GRM7: variants seen among roughly 807,000 people sequenced by gnomAD.
The protein encoded by GRM7 is glutamate metabotropic receptor 7, also known as metabotropic glutamate receptor 7.
GRM7 carries 35 observed loss-of-function variants against 84.5 expected under a neutral mutation model. The ratio of observed to expected loss-of-function variants is 0.41; its 90% CI spans 0.32 to 0.55. The LOEUF (loss-of-function observed/expected upper bound fraction) is 0.55. Among genes scored for constraint, GRM7 ranks in the 20% least tolerant of loss-of-function variants. GRM7 has a pLI of 0.19. For synonymous variants in GRM7, 487 were observed against 455.1 expected (o/e 1.07, Z -0.89); for missense variants, 1,003 against 1,194.6 (o/e 0.84, Z 2.36).
At chr3:7,658,626 T>C (rs1041724287) in intron 8 of GRM7, among the ~76,000 whole-genome samples, 1 of 152,208 alleles carries the variant, frequency 6.6e-6, no homozygotes, top group Non-Finnish European at 1.5e-5. Flanking sequence ...AAATGCTGTT[T>C]AGGCAATTTA....
intron 8 of GRM7, among the ~76,000 whole-genome samples, chr3:7,663,428 G>T (rs565545178): frequency 1.6e-4 from 24 of 152,144 alleles, no homozygotes; most frequent in Non-Finnish European, 2.8e-4. Context: ...TTCCCAAAGA[G>T]AGCTGTCAGC....
chr3:7,369,281 T>A (rs1426608864), intron 4 of GRM7, among the ~76,000 whole-genome samples: 3 of 152,128 alleles, frequency 2.0e-5, no homozygotes, highest in Non-Finnish European at 4.4e-5. Flanking sequence ...CTTGAACTCA[T>A]GGCCTCAAGC....
chr3:7,219,879 G>T (rs1473730411), intron 2 of GRM7, among the ~76,000 whole-genome samples: 1 of 152,088 alleles, frequency 6.6e-6, no homozygotes, highest in Non-Finnish European at 1.5e-5. Flanking sequence ...AGTATCTTGT[G>T]GTGCTAGAAA....
intron 1 of GRM7, among the ~76,000 whole-genome samples, chr3:6,952,175 G>C (rs563950713): frequency 2.0e-5 from 3 of 152,142 alleles, no homozygotes; most frequent in East Asian, 3.9e-4. Context: ...TCCTTCCAAG[G>C]GTCGTTAGGA....
intron 7 of GRM7, among the ~76,000 whole-genome samples, chr3:7,570,393 G>C (rs545445490): frequency 6.6e-6 from 1 of 152,338 alleles, no homozygotes; most frequent in Non-Finnish European, 1.5e-5. Context: ...GATACAATGG[G>C]GGTACAGGCA....
chr3:7,326,828 C>T (rs968954878), intron 4 of GRM7, among the ~76,000 whole-genome samples: 4 of 147,286 alleles, frequency 2.7e-5, no homozygotes, highest in Admixed American at 2.0e-4. Context: ...AGTGGAACTC[C>T]GTCTCAAAAA....
intron 1 of GRM7, among the ~76,000 whole-genome samples, chr3:6,894,399 A>T (rs975016260): frequency 1.3e-5 from 2 of 152,176 alleles, no homozygotes; most frequent in African/African-American, 4.8e-5. Context: ...CTTCTAGCTA[A>T]TGAAACATGA....
At chr3:7,522,468 A>G (rs1428486310) in intron 7 of GRM7, among the ~76,000 whole-genome samples, 2 of 152,116 alleles carry the variant, frequency 1.3e-5, no homozygotes, top group African/African-American at 2.4e-5. Context: ...ACTGCCTTGT[A>G]GAGCTATGAC....
At chr3:7,178,338 T>A (rs970649966) in intron 2 of GRM7, among the ~76,000 whole-genome samples, 16 of 152,200 alleles carry the variant, frequency 1.1e-4, no homozygotes, top group African/African-American at 3.9e-4. Flanking sequence ...CCTGACTTAT[T>A]TTTCATTATT....
At chr3:7,733,944 C>T (rs927411152) in intron 9 of GRM7, among the ~76,000 whole-genome samples, 5 of 152,182 alleles carry the variant, frequency 3.3e-5, no homozygotes, top group African/African-American at 1.2e-4. Context: ...ACATCCTCTT[C>T]CAAGACAAAA....
chr3:7,124,305 G>A (rs891632108), intron 1 of GRM7, among the ~76,000 whole-genome samples: 2 of 152,140 alleles, frequency 1.3e-5, no homozygotes, highest in African/African-American at 4.8e-5. Flanking sequence ...TAAACATATT[G>A]ATAGAGCGGG....
chr3:7,677,096 C>T (rs1211828847), intron 8 of GRM7, among the ~76,000 whole-genome samples: 3 of 151,678 alleles, frequency 2.0e-5, no homozygotes, highest in Non-Finnish European at 1.5e-5. Context: ...CCCGTCTCTA[C>T]TAAAAATACA....
chr3:7,717,622 C>G (rs1294481931), intron 9 of GRM7, among the ~76,000 whole-genome samples: 1 of 151,410 alleles, frequency 6.6e-6, no homozygotes, highest in Admixed American at 6.6e-5. Context: ...GTCCCATCAA[C>G]TGATATGTCT....
Position 6,862,307 on chromosome 3 carries a change from C to T in GRM7, c.519+400C>T, listed in dbSNP as rs566670933. On this transcript the variant is annotated intron_variant, in intron 1 of 9. Transcript: ENST00000357716. This position sits in a 1 kb window ranked among gnomAD's most constrained non-coding sequence, Gnocchi z 5.2. Reference sequence around the variant, plus strand: ...GAAAGATGAGACGATGCCTGGAAACCGGGCATTTCCCAACTCCCCAGCTTC... The same window carrying T: ...GAAAGATGAGACGATGCCTGGAAACTGGGCATTTCCCAACTCCCCAGCTTC... 3.9e-5 allele frequency among the ~76,000 whole-genome samples: 6 copies of T among 152,150 alleles called. No homozygotes were observed. Among genetic ancestry groups the T allele is most frequent in the African/African-American group, 1.4e-4 (6 of 41,512 alleles).
chr3:7,102,217 T>G (rs988976815), intron 1 of GRM7, among the ~76,000 whole-genome samples: 3 of 151,814 alleles, frequency 2.0e-5, no homozygotes, highest in Non-Finnish European at 4.4e-5. Flanking sequence ...GCCAACCTTC[T>G]CAGCTTTTAT....
At chr3:6,895,598 TG>T (rs1696149118) in intron 1 of GRM7, among the ~76,000 whole-genome samples, 1 of 152,196 alleles carries the variant, frequency 6.6e-6, no homozygotes, top group South Asian at 2.1e-4. Flanking sequence ...GAACCCTTTT[TG>T]TTGGATACCA....
intron 8 of GRM7, among the ~76,000 whole-genome samples, chr3:7,590,861 G>T (rs1358881403): frequency 1.3e-5 from 2 of 152,060 alleles, no homozygotes; most frequent in African/African-American, 4.8e-5. Flanking sequence ...TCACTTACTG[G>T]TTTGTTCACG....
chr3:7,221,901 G>A (rs548326340), intron 2 of GRM7, among the ~76,000 whole-genome samples: 13 of 149,854 alleles, frequency 8.7e-5, no homozygotes, highest in Admixed American at 2.0e-4. Flanking sequence ...CTGCCTCCCA[G>A]GTTCAAGCAA....
intron 7 of GRM7, among the ~76,000 whole-genome samples, chr3:7,552,397 C>T (rs967645021): frequency 9.9e-5 from 15 of 152,274 alleles, no homozygotes; most frequent in South Asian, 4.2e-4. Context: ...TGGAAGACAG[C>T]GATCCTCTTC....
Sources: gnomAD v4.1 joint callset for allele counts (sites outside exome capture counted in the v4.1 genomes callset) on GRCh38, gnomAD v4.1.1 for gene constraint, Gnocchi (gnomAD v3.1) non-coding constraint, MANE v1.5 for transcripts, NCBI Gene and HGNC (gene_info 2026-07-23, HGNC 2026-07-21) for gene names.